The following VWC2 variants were observed in gnomAD, a reference collection of about 807,000 sequenced individuals.
VWC2 encodes the protein brorin.
In VWC2, 14 loss-of-function variants were observed where a neutral mutation model predicts 29.8. The observed-to-expected ratio is 0.47, with a 90% CI of 0.31 to 0.74. The LOEUF is 0.74. Among genes scored for constraint, VWC2 ranks in the 30% least tolerant of loss-of-function variants. The probability of loss-of-function intolerance (pLI) is 0.05; values close to 1 mark genes in which losing one functional copy is unlikely to be tolerated. For synonymous variants in VWC2, 213 were observed against 199.0 expected, an observed-to-expected ratio of 1.07 and a Z score of -0.59; for missense variants, 457 against 459.8, an observed-to-expected ratio of 0.99 and a Z score of 0.05.
intron 3 of VWC2, among the ~76,000 whole-genome samples, chr7:49,843,177 C>A (rs750470605): frequency 6.6e-6 from 1 of 152,178 alleles, no homozygotes; most frequent in Non-Finnish European, 1.5e-5. Flanking sequence ...TTTCTGTGAA[C>A]TTCTTGCTTA....
At chr7:49,823,165 G>T (rs557085975) in intron 3 of VWC2, among the ~76,000 whole-genome samples, 1 of 152,310 alleles carries the variant, frequency 6.6e-6, no homozygotes, top group Non-Finnish European at 1.5e-5. Context: ...CATGATAATA[G>T]TTACGAGTAT....
At chr7:49,815,503 T>G (rs912463584) in intron 3 of VWC2, among the ~76,000 whole-genome samples, 1 of 152,230 alleles carries the variant, frequency 6.6e-6, no homozygotes, top group Admixed American at 6.5e-5. Context: ...TGTTAAACTA[T>G]AGAAAAATGA....
In VWC2 at chr7:49,917,406, A is replaced by G. The variant is rs1230578842; in HGVS notation, c.*5221A>G. ...CAGCCAAAGTTTCAATAGAATTAGG[A>G]AACTTAAATGAAAATGTGCTCTCAG... On this transcript the variant is annotated 3_prime_UTR_variant, in exon 4 of 4. Coordinates refer to ENST00000340652, the MANE Select transcript of VWC2 (RefSeq NM_198570.5). 1 of 152,232 alleles carries G rather than the reference A, an allele frequency of 6.6e-6. No individual in the cohort carries two copies. Among genetic ancestry groups the G allele is most frequent in the Non-Finnish European group, 1.5e-5 (1 of 68,036 alleles). 9.4% of individuals were successfully genotyped at this position (152,232 alleles called of 1,614,324 possible).
intron 3 of VWC2, among the ~76,000 whole-genome samples, chr7:49,861,731 C>T (rs1790659851): frequency 6.6e-6 from 1 of 152,206 alleles, no homozygotes; most frequent in African/African-American, 2.4e-5. Flanking sequence ...GTTGTCCCAG[C>T]ACCATTTCTT....
rs1793725800 is a variant in VWC2, at chr7:49,916,376, C to T, written c.*4191C>T. On this transcript the variant is annotated 3_prime_UTR_variant, in exon 4 of 4. Transcript: ENST00000340652. ...GGTCTTTACTATCTCAGATCCTGCCCTGAGTGTCCTTTGCAGCATGTTGAG... is the reference window on the plus strand; with the variant it reads ...GGTCTTTACTATCTCAGATCCTGCCTTGAGTGTCCTTTGCAGCATGTTGAG... The T allele has an allele frequency of 2.0e-5, 3 of 152,162 alleles. No individual in the cohort carries two copies. The highest frequency in any genetic ancestry group is 4.4e-5 in the Non-Finnish European group (3 of 68,032). The allele number at this position is 152,162 out of a possible 1,614,324, so 9.4% of individuals were successfully genotyped here.
At chr7:49,782,189 C>A (rs1157974131) in intron 2 of VWC2, among the ~76,000 whole-genome samples, 1 of 152,132 alleles carries the variant, frequency 6.6e-6, no homozygotes, top group South Asian at 2.1e-4. Flanking sequence ...CAGGGCTGCC[C>A]CTTTGGGAGG....
chr7:49,887,897 C>A (rs1240063850), intron 3 of VWC2, among the ~76,000 whole-genome samples: 1 of 152,204 alleles, frequency 6.6e-6, no homozygotes, highest in African/African-American at 2.4e-5. Flanking sequence ...TTCTTCCTTG[C>A]GTTGTATTTA....
chr7:49,853,137 T>C (rs1210475990), intron 3 of VWC2, among the ~76,000 whole-genome samples: 1 of 152,266 alleles, frequency 6.6e-6, no homozygotes, highest in Non-Finnish European at 1.5e-5. Flanking sequence ...CTGCGGGCTC[T>C]GAACAGGAGC....
intron 3 of VWC2, among the ~76,000 whole-genome samples, chr7:49,829,308 C>G (rs117342505): frequency 6.6e-6 from 1 of 152,210 alleles, no homozygotes; most frequent in Non-Finnish European, 1.5e-5. Context: ...CAGTGACCAG[C>G]TTTCTGAACT....
At chr7:49,788,503 A>G (rs1451484172) in intron 2 of VWC2, among the ~76,000 whole-genome samples, 9 of 142,862 alleles carry the variant, frequency 6.3e-5, no homozygotes, top group Admixed American at 3.4e-4. Flanking sequence ...GACAGTGTGT[A>G]TGAGTGTGTG....
chr7:49,777,149 G>A (rs1391847740), intron 2 of VWC2, among the ~76,000 whole-genome samples: 2 of 152,138 alleles, frequency 1.3e-5, no homozygotes, highest in South Asian at 2.1e-4. Context: ...TCAACCTATG[G>A]CCTGCCTGGA....
chr7:49,868,613 T>C (rs1791009065), intron 3 of VWC2, among the ~76,000 whole-genome samples: 1 of 152,194 alleles, frequency 6.6e-6, no homozygotes, highest in Admixed American at 6.5e-5. Flanking sequence ...TGATCTCATG[T>C]AGGGAGTTTT....
chr7:49,854,360 C>A (rs1355846916), intron 3 of VWC2, among the ~76,000 whole-genome samples: 2 of 152,146 alleles, frequency 1.3e-5, no homozygotes, highest in African/African-American at 4.8e-5. Context: ...TTCCCCACAT[C>A]CTCTCCAGCA....
chr7:49,793,547 G>T (rs188911760), intron 2 of VWC2, among the ~76,000 whole-genome samples: 1 of 152,028 alleles, frequency 6.6e-6, no homozygotes, highest in Non-Finnish European at 1.5e-5. Context: ...GACATTGATA[G>T]AAGCAACATA....
chr7:49,857,120 G>C (rs973255534), intron 3 of VWC2, among the ~76,000 whole-genome samples: 13 of 149,678 alleles, frequency 8.7e-5, no homozygotes, highest in African/African-American at 3.2e-4. Flanking sequence ...ATGATATCGT[G>C]CAGCAGATCT....
At chr7:49,826,834 C>T (rs112820047) in intron 3 of VWC2, among the ~76,000 whole-genome samples, 2,197 of 152,142 alleles carry the variant, frequency 0.014, 33 homozygotes, top group African/African-American at 0.036. Flanking sequence ...CAGACTCTGG[C>T]CCCTGATGGG....
At chr7:49,841,993 A>G (rs1789804500) in intron 3 of VWC2, among the ~76,000 whole-genome samples, 1 of 152,010 alleles carries the variant, frequency 6.6e-6, no homozygotes, top group African/African-American at 2.4e-5. Context: ...CAGCCTCCTG[A>G]GTAGCTGGGA....
Position 49,912,196 on chromosome 7 carries a change from G to A in VWC2, c.*11G>A, listed in dbSNP as rs1267976200. 2.5e-6 allele frequency: 4 copies of A among 1,613,056 alleles called. No homozygotes were observed. Among genetic ancestry groups the A allele is most frequent in the Non-Finnish European group, 3.4e-6 (4 of 1,179,524 alleles). On this transcript the variant is annotated 3_prime_UTR_variant, in exon 4 of 4. Coordinates refer to ENST00000340652, the MANE Select transcript of VWC2 (RefSeq NM_198570.5). ...TGCAGGCAAATGTAGACGCTTCCCA[G>A]AACACAAACTCTGACTTTTTCTAGA...
chr7:49,840,537 G>A lies in VWC2; in HGVS notation c.826+37697G>A, dbSNP rs1789770968. Among the ~76,000 whole-genome samples, 3 of 152,230 alleles carry A rather than the reference G, an allele frequency of 2.0e-5. No homozygotes were observed. The Middle Eastern group carries it at 0.01, about 518-fold the overall frequency. On this transcript the variant is annotated intron_variant, in intron 3 of 3. Transcript: ENST00000340652. ...TAATAATGTTTAGCGGTGGGAGGGG[G>A]TGACTATGGATCACTGAGCACAAAT...
Sources: allele counts gnomAD v4.1 joint callset (sites outside exome capture counted in the v4.1 genomes callset), GRCh38; gene constraint gnomAD v4.1.1; transcripts MANE v1.5; gene names NCBI Gene and HGNC (gene_info 2026-07-23, HGNC 2026-07-21).